The following COPG2 variants were observed in gnomAD, a reference collection of about 807,000 sequenced individuals.
The protein encoded by COPG2 is coatomer subunit gamma-2.
In COPG2, 37 loss-of-function variants were observed where a neutral mutation model predicts 46.3. That is an observed-to-expected ratio of 0.80 (90% confidence interval 0.61 to 1.05). The LOEUF (loss-of-function observed/expected upper bound fraction) is 1.05, where lower values mean the gene tolerates loss of function less well. Among genes scored for constraint, COPG2 ranks in the 50% least tolerant of loss-of-function variants. COPG2 has a pLI of 0.00. For missense variants in COPG2, 427 were observed against 387.8 expected (o/e 1.10, Z -0.85); for synonymous variants, 159 against 129.7 (o/e 1.23, Z -1.53).
chr7:130,549,228 G>A (rs1256616339), intron 18 of COPG2, 86 bp downstream of exon 18: 6 of 397,552 alleles, frequency 1.5e-5, no homozygotes, highest in Non-Finnish European at 2.7e-5. Flanking sequence ...ATTGAGAACC[G>A]ATCAATTTGA....
chr7:130,641,242 A>G (rs1795460384), intron 5 of COPG2, among the ~76,000 whole-genome samples: 1 of 151,970 alleles, frequency 6.6e-6, no homozygotes, highest in African/African-American at 2.4e-5. Flanking sequence ...AAAGAAGAAG[A>G]AGGAAGTCAG....
intron 20 of COPG2, among the ~76,000 whole-genome samples, chr7:130,519,759 G>A (rs1263059317): frequency 1.3e-5 from 2 of 152,194 alleles, no homozygotes; most frequent in East Asian, 1.9e-4. Context: ...TAAATGGGAC[G>A]TTGTATGAAT....
At chr7:130,665,828 T>A in intron 3 of COPG2, among the ~76,000 whole-genome samples, 1 of 146,704 alleles carries the variant, frequency 6.8e-6, no homozygotes. Context: ...TTTTTTTAAG[T>A]CTGGGGCAAA....
chr7:130,592,919 A>G (rs190028263), intron 9 of COPG2, among the ~76,000 whole-genome samples: 24 of 152,366 alleles, frequency 1.6e-4, no homozygotes, highest in African/African-American at 5.5e-4. Context: ...AATGCAGTTT[A>G]AAAACTATAA....
intron 20 of COPG2, among the ~76,000 whole-genome samples, chr7:130,525,395 T>G (rs1353915856): frequency 6.6e-6 from 1 of 152,054 alleles, no homozygotes; most frequent in Non-Finnish European, 1.5e-5. Context: ...CACAGGAGAA[T>G]GTGGGGGATG....
At chr7:130,509,264 T>C (rs1253736284) in intron 20 of COPG2, 1 of 513,690 alleles carries the variant, frequency 1.9e-6, no homozygotes, top group East Asian at 5.5e-5. Flanking sequence ...AAGTGGGCAG[T>C]TGTATGTTTT....
intron 5 of COPG2, among the ~76,000 whole-genome samples, chr7:130,646,712 T>C (rs1314852414): frequency 6.6e-6 from 1 of 151,974 alleles, no homozygotes; most frequent in Non-Finnish European, 1.5e-5. Flanking sequence ...GTTTTTGTGA[T>C]AGTGAGTTCT....
intron 4 of COPG2, among the ~76,000 whole-genome samples, chr7:130,654,872 C>T (rs1436778618): frequency 2.0e-5 from 3 of 151,680 alleles, no homozygotes; most frequent in African/African-American, 7.3e-5. Context: ...CTCTAATTTG[C>T]TATTAACCCC....
chr7:130,656,160 T>C lies in COPG2; in HGVS notation c.244-3212A>G, dbSNP rs145243035. ...ATTTATGTTTGTCCTATTTGATCTA[T>C]GTTTCTCTTCCTCTTTTTTTCCCCT... is the stretch of plus-strand genomic sequence containing the variant. On this transcript the variant is annotated intron_variant, in intron 4 of 23. Coordinates refer to ENST00000425248, the MANE Select transcript of COPG2 (RefSeq NM_012133.6). 5.0e-3 allele frequency among the ~76,000 whole-genome samples: 765 copies of C among 152,252 alleles called. 4 individuals are homozygous for C. Among genetic ancestry groups the C allele is most frequent in the African/African-American group, 0.017 (724 of 41,570 alleles).
At chr7:130,533,275 C>G (rs918366232) in intron 20 of COPG2, among the ~76,000 whole-genome samples, 8 of 149,988 alleles carry the variant, frequency 5.3e-5, no homozygotes, top group African/African-American at 2.0e-4. Flanking sequence ...GAGAAAGAGA[C>G]AGCCTGAAGC....
At chr7:130,599,989 G>A (rs1794604455) in intron 9 of COPG2, among the ~76,000 whole-genome samples, 1 of 152,094 alleles carries the variant, frequency 6.6e-6, no homozygotes, top group Non-Finnish European at 1.5e-5. Flanking sequence ...TTCTCTCTTA[G>A]ATGCAGGGTT....
rs528294422 is a variant in COPG2 at position 130,506,508 on chromosome 7, T to C, written c.*168A>G. On this transcript the variant is annotated 3_prime_UTR_variant, in exon 24 of 24. Coordinates refer to ENST00000425248, the MANE Select transcript of COPG2 (RefSeq NM_012133.6). ...AAGAAAAAAAAAAAAAAACAACCCATGCGCAAAGATAGACATTTGCTTGAT... is the reference window on the plus strand; with the variant it reads ...AAGAAAAAAAAAAAAAAACAACCCACGCGCAAAGATAGACATTTGCTTGAT... 3.5e-5 allele frequency: 15 copies of C among 430,942 alleles called. No individual in the cohort carries two copies. Among genetic ancestry groups the C allele is most frequent in the South Asian group, 8.4e-5 (2 of 23,844 alleles). 26.7% of individuals were successfully genotyped at this position (430,942 alleles called of 1,614,324 possible). A position where few individuals can be genotyped will look rare whatever the true frequency, so the allele number is the denominator to read the frequency against.
Position 130,611,177 on chromosome 7 carries a change from G to T in COPG2, c.580-67C>A, listed in dbSNP as rs560521541. 412 of 1,387,980 alleles carry T rather than the reference G, an allele frequency of 3.0e-4. 6 individuals are homozygous for T. In the South Asian group the frequency reaches 4.9e-3, roughly 16 times the overall value. The allele number at this position is 1,387,980 out of a possible 1,614,324, so 86.0% of individuals were successfully genotyped here. On this transcript the variant is annotated intron_variant, in intron 8 of 23. Transcript: ENST00000425248. ...ATGTCAAAATATTTACACAAAAATA[G>T]AATTACACGGAACTAGATTAAAGAT... is the stretch of plus-strand genomic sequence containing the variant.
chr7:130,534,082 C>T (rs1374646621), intron 20 of COPG2, among the ~76,000 whole-genome samples: 2 of 151,808 alleles, frequency 1.3e-5, no homozygotes, highest in East Asian at 1.9e-4. Context: ...TGCGCCAGAC[C>T]TCATGGTGCA....
intron 9 of COPG2, among the ~76,000 whole-genome samples, chr7:130,586,359 G>A (rs1439220561): frequency 1.3e-5 from 2 of 151,944 alleles, no homozygotes; most frequent in African/African-American, 4.8e-5. Context: ...CAAATATGGT[G>A]GAGTGTATAC....
At chr7:130,623,462 C>T (rs1795069948) in intron 5 of COPG2, among the ~76,000 whole-genome samples, 1 of 152,166 alleles carries the variant, frequency 6.6e-6, no homozygotes, top group African/African-American at 2.4e-5. Flanking sequence ...TTTAATTGTA[C>T]ACGCCTTAGA....
rs1796090808 is a variant in COPG2 at position 130,666,848 on chromosome 7, C to T, written c.171+1G>A. Reference sequence around the variant, plus strand: ...ATCTGAGGAAAATAAAAATAATATACCTGGTTCAGTAAGTAAAGAATCTTT... The same window carrying T: ...ATCTGAGGAAAATAAAAATAATATATCTGGTTCAGTAAGTAAAGAATCTTT... On this transcript the variant is annotated splice_donor_variant, in intron 3 of 23. Transcript: ENST00000425248. LOFTEE classifies it high-confidence loss of function. The T allele has an allele frequency of 7.2e-7, 1 of 1,382,888 alleles. No individual in the cohort carries two copies. Among genetic ancestry groups the T allele is most frequent in the Non-Finnish European group, 1.0e-6 (1 of 985,470 alleles). 85.7% of individuals were successfully genotyped at this position (1,382,888 alleles called of 1,614,324 possible).
At chr7:130,633,258 C>T (rs1453542155) in intron 5 of COPG2, among the ~76,000 whole-genome samples, 1 of 151,988 alleles carries the variant, frequency 6.6e-6, no homozygotes, top group Non-Finnish European at 1.5e-5. Context: ...GGATATATAC[C>T]CAGTAATGCG....
intron 9 of COPG2, among the ~76,000 whole-genome samples, chr7:130,566,546 G>A (rs1446722788): frequency 6.6e-6 from 1 of 152,214 alleles, no homozygotes; most frequent in African/African-American, 2.4e-5. Flanking sequence ...AGAGAGAGTT[G>A]GCGGCTCTAC....
Sources: allele counts gnomAD v4.1 joint callset (sites outside exome capture counted in the v4.1 genomes callset), GRCh38; gene constraint gnomAD v4.1.1; transcripts MANE v1.5; gene names NCBI Gene and HGNC (gene_info 2026-07-23, HGNC 2026-07-21).